Variants in NEK3 observed in about 807,000 individuals in gnomAD.
NEK3 encodes serine/threonine-protein kinase Nek3.
NEK3 carries 54 observed loss-of-function variants against 66.0 expected under a neutral mutation model. That is an observed-to-expected ratio of 0.82 (90% CI 0.66 to 1.03). The LOEUF is 1.03. Ranked by LOEUF, NEK3 falls within the 50% of genes least tolerant of loss-of-function variation. The pLI, the probability that NEK3 is intolerant of heterozygous loss-of-function variation, is 0.00. For synonymous variants in NEK3, 200 were observed against 206.2 expected (o/e 0.97, Z 0.26); for missense variants, 593 against 603.0 (o/e 0.98, Z 0.17).
intron 11 of NEK3, among the ~76,000 whole-genome samples, chr13:52,138,912 C>CAGAGAGAG (rs144734519): frequency 6.8e-6 from 1 of 147,982 alleles, no homozygotes; most frequent in Non-Finnish European, 1.5e-5. Context: ...GCCTAGACAA[C>CAGAGAGAG]AGAGAGAGAG....
Position 52,140,214 on chromosome 13 carries a change from C to CA in NEK3, c.927+805dup, listed in dbSNP as rs397851494. Among the ~76,000 whole-genome samples the CA allele has an allele frequency of 4.8e-3, 364 of 76,558 alleles. 3 individuals carry two copies. The highest frequency in any genetic ancestry group is 0.016 in the East Asian group (43 of 2,670). 50.2% of individuals were successfully genotyped at this position (76,558 alleles called of 152,430 possible). A position where few individuals can be genotyped will look rare whatever the true frequency, so the allele number is the denominator to read the frequency against. On this transcript the variant is annotated intron_variant, in intron 11 of 15. Coordinates refer to ENST00000610828, the MANE Select transcript of NEK3 (RefSeq NM_002498.3). ...TGGATGCCAAAGTGAGACCCTATCT[C>CA]AAAAAAAAAAAAAAAAAAAAGCCAG...
intron 7 of NEK3, among the ~76,000 whole-genome samples, chr13:52,149,908 T>C (rs1956328500): frequency 6.6e-6 from 1 of 151,192 alleles, no homozygotes; most frequent in African/African-American, 2.4e-5. Context: ...GAACACTTCA[T>C]CCCTACATAC....
chr13:52,158,412 G>A (rs1335739069), intron 1 of NEK3, among the ~76,000 whole-genome samples: 2 of 152,178 alleles, frequency 1.3e-5, no homozygotes, highest in Non-Finnish European at 2.9e-5. Context: ...GGTCTTTTGA[G>A]TGTATATAGA....
chr13:52,135,710 AC>A lies in NEK3; in HGVS notation c.1309+18del, dbSNP rs1182634976. 1.9e-6 allele frequency: 3 copies of A among 1,594,062 alleles called. No individual in the cohort carries two copies. The East Asian group carries it at 6.7e-5, about 36-fold the overall frequency. On this transcript the variant is annotated intron_variant, in intron 14 of 15. Transcript: ENST00000610828. The stretch of plus-strand genomic sequence containing the variant: ...AAAAAGTCAAAGGGTTTCCAAGGTC[AC>A]ATACAGACATGAATTACCTGGTCTA...
At chr13:52,153,866 G>T in intron 4 of NEK3, 29 bp downstream of exon 4, 1 of 1,497,742 alleles carries the variant, frequency 6.7e-7, no homozygotes, top group South Asian at 1.1e-5. Context: ...TCTAAACCTT[G>T]AGAGAAACTA....
chr13:52,152,701 A>G lies in NEK3; in HGVS notation c.310-9T>C. 6.3e-7 allele frequency: 1 copy of G among 1,585,610 alleles called. No homozygotes were observed. The highest frequency in any genetic ancestry group is 8.6e-7 in the Non-Finnish European group (1 of 1,157,894). Reference sequence around the variant, plus strand: ...GTAAACCAATTAAGTATCTGTAAGAAAAAGGTATGCAAAATCTTCAAGAAT... The same window carrying G: ...GTAAACCAATTAAGTATCTGTAAGAGAAAGGTATGCAAAATCTTCAAGAAT... On this transcript the variant is annotated splice_polypyrimidine_tract_variant and intron_variant, in intron 4 of 15. Transcript: ENST00000610828.
intron 1 of NEK3, chr13:52,157,283 A>G (rs1305674057): frequency 6.6e-6 from 1 of 152,254 alleles, no homozygotes; most frequent in Non-Finnish European, 1.5e-5. Context: ...CCAACAATAG[A>G]AAAGGCAGGA....
Position 52,133,688 on chromosome 13 carries a change from C to T in NEK3, c.1436+1G>A, listed in dbSNP as rs377499675. ...AGCTTTCTATGCATATCACAACGTA[C>T]GTGTCCTCCTCATCTAGCCCAGGCT... On this transcript the variant is annotated splice_donor_variant, in intron 15 of 15. Coordinates refer to ENST00000610828, the MANE Select transcript of NEK3 (RefSeq NM_002498.3). LOFTEE classifies it high-confidence loss of function. The T allele has an allele frequency of 1.2e-5, 19 of 1,551,002 alleles. No individual in the cohort carries two copies. Among genetic ancestry groups the T allele is most frequent in the East Asian group, 9.8e-5 (4 of 40,978 alleles).
At chr13:52,144,099 A>G (rs1956273605) in intron 9 of NEK3, 112 bp from the exon 10 acceptor site, 8 of 656,412 alleles carry the variant, frequency 1.2e-5, no homozygotes, top group Non-Finnish European at 2.0e-5. Flanking sequence ...TTCAAGTTGA[A>G]AAACAAAAGT....
At chr13:52,143,246 G>A (rs1566854604) in intron 10 of NEK3, among the ~76,000 whole-genome samples, 1 of 151,864 alleles carries the variant, frequency 6.6e-6, no homozygotes, top group Non-Finnish European at 1.5e-5. Flanking sequence ...AACCTGGGGG[G>A]CAGAGGTTGC....
At chr13:52,155,712 T>A (rs767520163) in intron 2 of NEK3, among the ~76,000 whole-genome samples, 47 of 152,212 alleles carry the variant, frequency 3.1e-4, no homozygotes, top group Admixed American at 3.1e-3. Flanking sequence ...AGTCTTATTT[T>A]GTCACCAAGG....
chr13:52,148,637 A>G (rs1956313947), intron 7 of NEK3, among the ~76,000 whole-genome samples, 168 bp from the exon 8 acceptor site: 1 of 152,226 alleles, frequency 6.6e-6, no homozygotes, highest in Non-Finnish European at 1.5e-5. Context: ...TGTTCACAAT[A>G]AAACTCTCTG....
chr13:52,133,576 G>A, intron 15 of NEK3, 113 bp downstream of exon 15: 1 of 1,331,374 alleles, frequency 7.5e-7, no homozygotes, highest in Non-Finnish European at 1.0e-6. Flanking sequence ...AATATAAGAG[G>A]TCCCTACTAA....
rs1203708556 is a variant in NEK3, at chr13:52,153,914, T to C, written c.290A>G (p.Lys97Arg). The change falls in exon 4 of 16, where the codon AAG becomes AGG. Residue 97 changes from lysine to arginine, a missense_variant. Transcript: ENST00000610828. ...LMQKIKQQKG[K>R]LFPEDMILNW... ...TCTTACCATGTCTTCAGGAAATAAC[T>C]TTCCTTTCTGCTGTTTAATCTTTTG... 2 of 1,611,490 alleles carry C rather than the reference T, an allele frequency of 1.2e-6. No homozygotes were observed. Among genetic ancestry groups the C allele is most frequent in the Non-Finnish European group, 1.7e-6 (2 of 1,177,960 alleles).
Position 52,154,157 on chromosome 13 carries a change from T to C in NEK3, c.134A>G (p.Gln45Arg), listed in dbSNP as rs367693896. 52 of 1,606,160 alleles carry C rather than the reference T, an allele frequency of 3.2e-5. 1 individual carries two copies. Among genetic ancestry groups the C allele is most frequent in the Non-Finnish European group, 3.2e-5 (38 of 1,175,058 alleles). Residue 45 changes from glutamine to arginine, a missense_variant, in exon 3 of 16, where the codon CAG becomes CGG. Gln to Arg is a conservative substitution (Grantham distance 43). Coordinates refer to ENST00000610828, the MANE Select transcript of NEK3 (RefSeq NM_002498.3). Reference sequence around the variant, plus strand: ...AAGAACAGCCTCCTTCCTAGAATTCTGTGTATTAGAGAAAGACTAGAAAAA... The same window carrying C: ...AAGAACAGCCTCCTTCCTAGAATTCCGTGTATTAGAGAAAGACTAGAAAAA... ...IRLPKSFSNTQNSRKEAVLLA... is the reference protein window; with the variant it reads ...IRLPKSFSNTRNSRKEAVLLA...
At chr13:52,150,828 T>A (rs1229883573) in intron 7 of NEK3, among the ~76,000 whole-genome samples, 2 of 152,170 alleles carry the variant, frequency 1.3e-5, no homozygotes, top group African/African-American at 4.8e-5. Flanking sequence ...GGATTTGGGA[T>A]TTTTATAAGT....
intron 4 of NEK3, among the ~76,000 whole-genome samples, 194 bp from the exon 5 acceptor site, chr13:52,152,886 T>C (rs952293854): frequency 2.0e-5 from 3 of 152,212 alleles, no homozygotes; most frequent in African/African-American, 7.2e-5. Context: ...GTGACTCCCA[T>C]ATTCCATCAT....
chr13:52,155,441 G>C (rs890241855), intron 2 of NEK3, among the ~76,000 whole-genome samples: 32 of 152,088 alleles, frequency 2.1e-4, no homozygotes, highest in Admixed American at 6.5e-5. Context: ...TATTGCACCT[G>C]AGTTGCTCTG....
Position 52,136,130 on chromosome 13 carries a change from G to T in NEK3, c.1160C>A (p.Ala387Glu), listed in dbSNP as rs187445275. 6.2e-7 allele frequency: 1 copy of T among 1,613,614 alleles called. No homozygotes were observed. The highest frequency in any genetic ancestry group is 1.3e-5 in the African/African-American group (1 of 74,918). The change falls in exon 13 of 16, where the codon GCA becomes GAA. Residue 387 changes from alanine (A) to glutamate (E), a missense_variant. Physicochemically the swap from Ala to Glu is moderately radical, Grantham distance 107 (BLOSUM62 -1). Coordinates refer to ENST00000610828, the MANE Select transcript of NEK3 (RefSeq NM_002498.3). Reference protein sequence around the residue: ...NASILTSSLTAEDDRGGSVIK... With the variant: ...NASILTSSLTEEDDRGGSVIK... ...TGACTACTAACCTCTATCGTCCTCT[G>T]CTGTTAAACTGGAGGTGAGTATGGA...
Sources: allele counts gnomAD v4.1 joint callset (sites outside exome capture counted in the v4.1 genomes callset), GRCh38; gene constraint gnomAD v4.1.1; transcripts MANE v1.5; gene names NCBI Gene and HGNC (gene_info 2026-07-23, HGNC 2026-07-21).